The following PPP2R5E variants were observed in gnomAD, a reference collection of about 807,000 sequenced individuals.
The protein encoded by PPP2R5E is serine/threonine-protein phosphatase 2A 56 kDa regulatory subunit epsilon isoform.
In PPP2R5E, 4 loss-of-function variants were observed where a neutral mutation model predicts 65.3. That is an observed-to-expected ratio of 0.06 (90% CI 0.03 to 0.14). PPP2R5E has a LOEUF of 0.14. PPP2R5E is among the 10% of genes least tolerant of loss of function. PPP2R5E has a pLI of 1.00. For missense variants in PPP2R5E, 274 were observed against 556.1 expected, an observed-to-expected ratio of 0.49 and a Z score of 5.10; for synonymous variants, 183 against 187.4, an observed-to-expected ratio of 0.98 and a Z score of 0.19.
rs1335588782 is a variant in PPP2R5E at position 63,374,636 on chromosome 14, T to G, written c.*1373A>C. ...AATACAAAGCAGAGAGCCAATAAGA[T>G]ATATATATATATATATATATATATA... is the stretch of plus-strand genomic sequence containing the variant. On this transcript the variant is annotated 3_prime_UTR_variant, in exon 14 of 14. Transcript: ENST00000337537. The G allele has an allele frequency of 2.4e-5, 1 of 42,142 alleles. No individual in the cohort carries two copies. The highest frequency in any genetic ancestry group is 0.016 in the Middle Eastern group (1 of 64). The allele number at this position is 42,142 out of a possible 1,614,324, so 2.6% of individuals were successfully genotyped here. A position where few individuals can be genotyped will look rare whatever the true frequency, so the allele number is the denominator to read the frequency against.
intron 2 of PPP2R5E, among the ~76,000 whole-genome samples, chr14:63,534,357 C>T (rs1407982538): frequency 1.3e-5 from 2 of 152,002 alleles, no homozygotes; most frequent in Non-Finnish European, 2.9e-5. Flanking sequence ...CTCCACCTCC[C>T]GGGGTCAAGT....
chr14:63,431,093 C>A (rs1197957198), intron 3 of PPP2R5E, among the ~76,000 whole-genome samples: 1 of 152,078 alleles, frequency 6.6e-6, no homozygotes, highest in East Asian at 1.9e-4. Flanking sequence ...CATGGTGAAA[C>A]CCCATCTGTA....
chr14:63,453,977 A>C, intron 2 of PPP2R5E, 92 bp from the exon 3 acceptor site: 3 of 1,022,466 alleles, frequency 2.9e-6, no homozygotes, highest in Non-Finnish European at 4.1e-6. Flanking sequence ...CAAGCTAAAA[A>C]AAAATAAGAA....
At chr14:63,394,072 T>C (rs1000473481) in intron 7 of PPP2R5E, 144 bp from the exon 8 acceptor site, 71 of 110,674 alleles carry the variant, frequency 6.4e-4, no homozygotes, top group East Asian at 1.7e-3. Flanking sequence ...AGAATTTCCT[T>C]TTTTTTTTTT....
At chr14:63,393,772 C>T (rs1230011184) in intron 8 of PPP2R5E, 48 bp downstream of exon 8, 2 of 1,351,434 alleles carry the variant, frequency 1.5e-6, no homozygotes, top group Admixed American at 4.2e-5. Context: ...AACGAGTTTG[C>T]AAACTTTTTA....
chr14:63,523,807 A>C (rs1893073914), intron 2 of PPP2R5E, among the ~76,000 whole-genome samples: 1 of 152,208 alleles, frequency 6.6e-6, no homozygotes, highest in Non-Finnish European at 1.5e-5. Flanking sequence ...ACCCTCAAAA[A>C]AACTCTTCAC....
chr14:63,493,589 C>G (rs1360346021), intron 2 of PPP2R5E, among the ~76,000 whole-genome samples: 1 of 152,018 alleles, frequency 6.6e-6, no homozygotes, highest in Non-Finnish European at 1.5e-5. Context: ...GTTGTGACAG[C>G]AGCTAAATAA....
chr14:63,471,067 G>C (rs1890103902), intron 2 of PPP2R5E, among the ~76,000 whole-genome samples: 1 of 152,180 alleles, frequency 6.6e-6, no homozygotes, highest in Non-Finnish European at 1.5e-5. Context: ...AGACCACTCT[G>C]AATGACATTC....
intron 2 of PPP2R5E, among the ~76,000 whole-genome samples, chr14:63,477,562 AGAG>A (rs1484389963): frequency 6.6e-6 from 1 of 152,122 alleles, no homozygotes; most frequent in Non-Finnish European, 1.5e-5. Context: ...GATGGGAAGG[AGAG>A]GAGAAGAGGG....
chr14:63,387,498 AATG>A (rs1884740795), intron 11 of PPP2R5E, among the ~76,000 whole-genome samples: 2 of 152,200 alleles, frequency 1.3e-5, no homozygotes, highest in Non-Finnish European at 2.9e-5. Context: ...TGAAGCAAGC[AATG>A]ATAAGTGTCT....
chr14:63,459,142 A>T (rs1318443777), intron 2 of PPP2R5E, among the ~76,000 whole-genome samples: 1 of 152,204 alleles, frequency 6.6e-6, no homozygotes, highest in African/African-American at 2.4e-5. Flanking sequence ...TCATAGTTCT[A>T]AGGAGATGCT....
chr14:63,371,991 T>C lies in PPP2R5E; in HGVS notation c.*4018A>G, dbSNP rs1203591453. On this transcript the variant is annotated 3_prime_UTR_variant, in exon 14 of 14. Transcript: ENST00000337537. Reference sequence around the variant, plus strand: ...TATTTGAAAATTCCCCATTGATACATGAGGTTTGGATTACAACTTATTTAC... The same window carrying C: ...TATTTGAAAATTCCCCATTGATACACGAGGTTTGGATTACAACTTATTTAC... 6.6e-6 allele frequency: 1 copy of C among 151,030 alleles called. No homozygotes were observed. Among genetic ancestry groups the C allele is most frequent in the Non-Finnish European group, 1.5e-5 (1 of 67,892 alleles). 9.4% of individuals were successfully genotyped at this position (151,030 alleles called of 1,614,324 possible). A position where few individuals can be genotyped will look rare whatever the true frequency, so the allele number is the denominator to read the frequency against.
intron 2 of PPP2R5E, among the ~76,000 whole-genome samples, chr14:63,477,798 T>C (rs2139582480): frequency 6.6e-6 from 1 of 151,964 alleles, no homozygotes; most frequent in East Asian, 1.9e-4. Flanking sequence ...GCAGCATATA[T>C]ACTAAAACTG....
chr14:63,379,922 C>T (rs1442396717), intron 13 of PPP2R5E, among the ~76,000 whole-genome samples: 4 of 148,918 alleles, frequency 2.7e-5, no homozygotes, highest in African/African-American at 5.0e-5. Context: ...GCAACCTCCA[C>T]CTCCCGGGTT....
At chr14:63,521,602 G>T (rs1892909425) in intron 2 of PPP2R5E, among the ~76,000 whole-genome samples, 1 of 152,198 alleles carries the variant, frequency 6.6e-6, no homozygotes, top group Admixed American at 6.5e-5. Flanking sequence ...GGCAGAGGTT[G>T]CAGTGAGCTG....
At chr14:63,461,272 T>C (rs534292649) in intron 2 of PPP2R5E, among the ~76,000 whole-genome samples, 1 of 152,224 alleles carries the variant, frequency 6.6e-6, no homozygotes, top group South Asian at 2.1e-4. Flanking sequence ...GCAAGAATTA[T>C]ATACAGTATT....
intron 2 of PPP2R5E, among the ~76,000 whole-genome samples, chr14:63,471,221 A>G (rs1379881197): frequency 6.6e-6 from 1 of 152,170 alleles, no homozygotes; most frequent in African/African-American, 2.4e-5. Flanking sequence ...TTGTTCATAG[A>G]CCCAGATGGG....
chr14:63,410,661 G>T (rs1459954000), intron 5 of PPP2R5E, among the ~76,000 whole-genome samples: 2 of 152,110 alleles, frequency 1.3e-5, no homozygotes, highest in Non-Finnish European at 2.9e-5. Context: ...CAGACTAAAG[G>T]GTAAGGAAAA....
At chr14:63,422,763 G>A (rs1325382129) in intron 3 of PPP2R5E, among the ~76,000 whole-genome samples, 1 of 143,920 alleles carries the variant, frequency 6.9e-6, no homozygotes, top group Non-Finnish European at 1.5e-5. Flanking sequence ...AAAAAAACTG[G>A]TAATGGGCTT....
Sources: gnomAD v4.1 joint callset for allele counts (sites outside exome capture counted in the v4.1 genomes callset) on GRCh38, gnomAD v4.1.1 for gene constraint, MANE v1.5 for transcripts, NCBI Gene and HGNC (gene_info 2026-07-23, HGNC 2026-07-21) for gene names.